Variants in RNPEPL1 observed in about 807,000 individuals in gnomAD.
RNPEPL1 encodes the protein arginyl aminopeptidase like 1, also known as aminopeptidase RNPEPL1.
Under a neutral mutation model 69.0 loss-of-function variants are expected in RNPEPL1, and 46 were observed. That is an observed-to-expected ratio of 0.67 (90% CI 0.53 to 0.85). RNPEPL1 has a LOEUF of 0.85. Ranked by LOEUF, RNPEPL1 falls within the 40% of genes least tolerant of loss-of-function variation. RNPEPL1 has a pLI of 0.00. For synonymous variants in RNPEPL1, 525 were observed against 454.1 expected (o/e 1.16, Z -1.98); for missense variants, 869 against 992.5 (o/e 0.88, Z 1.67).
chr2:240,569,648 T>C (rs867333463), intron 1 of RNPEPL1, among the ~76,000 whole-genome samples: 29 of 152,290 alleles, frequency 1.9e-4, no homozygotes, highest in African/African-American at 6.3e-4. Flanking sequence ...CTCCAGAGAC[T>C]CTGCAAGAAA....
chr2:240,574,647 C>A lies in RNPEPL1; in HGVS notation c.1288+19C>A. On this transcript the variant is annotated intron_variant, in intron 6 of 10. Coordinates refer to ENST00000270357, the MANE Select transcript of RNPEPL1 (RefSeq NM_018226.6). ...GAGCCAGGTACCTGCTCCTCAGGAC[C>A]CGCTCCCACAACTGGGGATGTCACC... 6.3e-7 allele frequency: 1 copy of A among 1,590,798 alleles called. No homozygotes were observed. The highest frequency in any genetic ancestry group is 8.6e-7 in the Non-Finnish European group (1 of 1,162,468).
rs895864800 is a variant in RNPEPL1 at position 240,581,067 on chromosome 2, T to G, written c.*3175T>G. 6.6e-6 allele frequency: 1 copy of G among 151,904 alleles called. No individual in the cohort carries two copies. The highest frequency in any genetic ancestry group is 6.6e-5 in the Admixed American group (1 of 15,250). The allele number at this position is 151,904 out of a possible 1,614,324, so 9.4% of individuals were successfully genotyped here. A position where few individuals can be genotyped will look rare whatever the true frequency, so the allele number is the denominator to read the frequency against. The stretch of plus-strand genomic sequence containing the variant: ...AGGCCAGATGCTTTGCACAGAACAT[T>G]AGGAAACTCCAGATGTAAAGGTAAG... On this transcript the variant is annotated 3_prime_UTR_variant, in exon 11 of 11. Coordinates refer to ENST00000270357, the MANE Select transcript of RNPEPL1 (RefSeq NM_018226.6).
intron 2 of RNPEPL1, 127 bp downstream of exon 2, chr2:240,572,690 G>A: frequency 8.1e-7 from 1 of 1,227,274 alleles, no homozygotes; most frequent in Non-Finnish European, 1.1e-6. Context: ...AGTGCTAGCA[G>A]GAGCCCACCC....
intron 1 of RNPEPL1, among the ~76,000 whole-genome samples, chr2:240,570,271 G>C (rs1279178129): frequency 6.6e-6 from 1 of 152,240 alleles, no homozygotes; most frequent in African/African-American, 2.4e-5. Context: ...GGCCCAGTGA[G>C]CAAGGGTGGC....
At chr2:240,577,030 A>G in intron 10 of RNPEPL1, 40 bp downstream of exon 10, 1 of 1,608,954 alleles carries the variant, frequency 6.2e-7, no homozygotes, top group Non-Finnish European at 8.5e-7. Flanking sequence ...GGAACGGCCT[A>G]GCCGTGCGGA....
intron 3 of RNPEPL1, 144 bp from the exon 4 acceptor site, chr2:240,573,631 G>C (rs1176629382): frequency 1.6e-5 from 11 of 699,582 alleles, no homozygotes; most frequent in Non-Finnish European, 2.3e-5. Context: ...CATCCAGTGA[G>C]GCAGGGCGGG....
At chr2:240,569,240 G>T in intron 1 of RNPEPL1, 126 bp downstream of exon 1, 1 of 1,069,538 alleles carries the variant, frequency 9.3e-7, no homozygotes, top group Non-Finnish European at 1.2e-6. Flanking sequence ...CCCCCACCCC[G>T]GTGATTCCCA....
At chr2:240,571,530 C>T (rs2093021455) in intron 1 of RNPEPL1, among the ~76,000 whole-genome samples, 1 of 152,020 alleles carries the variant, frequency 6.6e-6, no homozygotes, top group Admixed American at 6.5e-5. Flanking sequence ...CTCTGAGCTG[C>T]CCTCACTGGA....
chr2:240,571,535 A>G (rs1395987535), intron 1 of RNPEPL1, among the ~76,000 whole-genome samples: 1 of 151,960 alleles, frequency 6.6e-6, no homozygotes, highest in African/African-American at 2.4e-5. Flanking sequence ...AGCTGCCCTC[A>G]CTGGAGAGGT....
chr2:240,575,152 C>T lies in RNPEPL1; in HGVS notation c.1401+10C>T, dbSNP rs2093034036. 2 of 1,607,298 alleles carry T rather than the reference C, an allele frequency of 1.2e-6. No homozygotes were observed. The highest frequency in any genetic ancestry group is 1.7e-6 in the Non-Finnish European group (2 of 1,174,602). On this transcript the variant is annotated intron_variant, in intron 7 of 10. Coordinates refer to ENST00000270357, the MANE Select transcript of RNPEPL1 (RefSeq NM_018226.6). ...TGATGACTTTCTCCGAGTGAGCAGC[C>T]CCCTGCCCGGGACGGCCCTGCTGCC...
chr2:240,568,971 G>T lies in RNPEPL1; in HGVS notation c.385G>T (p.Glu129Ter). 1 of 1,458,626 alleles carries T rather than the reference G, an allele frequency of 6.9e-7. No individual in the cohort carries two copies. Among genetic ancestry groups the T allele is most frequent in the African/African-American group, 1.5e-5 (1 of 68,018 alleles). The allele number at this position is 1,458,626 out of a possible 1,614,324, so 90.4% of individuals were successfully genotyped here. The change falls in exon 1 of 11, where the codon GAG (glutamate) becomes TAG (stop). Residue 129 changes from glutamate (E) to a stop codon, truncating the protein, a stop_gained. Coordinates refer to ENST00000270357, the MANE Select transcript of RNPEPL1 (RefSeq NM_018226.6). LOFTEE classifies it high-confidence loss of function. This position sits in a 1 kb window ranked among gnomAD's most constrained non-coding sequence, Gnocchi z 6.2. ...LPAFPEAPGS[E>*]PACCPLAFRV... ...CGCCTTCCCCGAGGCGCCCGGCTCC[G>T]AGCCCGCCTGCTGTCCGCTGGCCTT...
intron 1 of RNPEPL1, among the ~76,000 whole-genome samples, chr2:240,571,350 C>T (rs1346067540): frequency 6.6e-6 from 1 of 152,162 alleles, no homozygotes; most frequent in African/African-American, 2.4e-5. Flanking sequence ...GTCTTAGAAG[C>T]ATGTTGGGGG....
chr2:240,573,413 C>CAGGGCCCTGCCT, intron 3 of RNPEPL1, 152 bp downstream of exon 3: 2 of 750,098 alleles, frequency 2.7e-6, no homozygotes, highest in Non-Finnish European at 4.2e-6. Flanking sequence ...TTGGTGCCAC[C>CAGGGCCCTGCCT]GCCAGGGCCC....
chr2:240,572,765 C>A (rs1212505989), intron 2 of RNPEPL1, among the ~76,000 whole-genome samples: 1 of 152,230 alleles, frequency 6.6e-6, no homozygotes, highest in Admixed American at 6.5e-5. Flanking sequence ...TCCAACGGGC[C>A]TGAGGGGTCG....
chr2:240,573,958 G>T (rs1371793914), intron 4 of RNPEPL1, 67 bp downstream of exon 4: 1 of 1,455,018 alleles, frequency 6.9e-7, no homozygotes. Flanking sequence ...CCCCTCGTCT[G>T]ACCCCTGGGG....
intron 1 of RNPEPL1, among the ~76,000 whole-genome samples, chr2:240,571,441 G>A (rs1026891757): frequency 6.6e-6 from 1 of 152,206 alleles, no homozygotes; most frequent in African/African-American, 2.4e-5. Context: ...CCGGCAGAGG[G>A]GAGGGTGGAT....
intron 10 of RNPEPL1, 90 bp downstream of exon 10, chr2:240,577,080 G>A (rs776565117): frequency 3.6e-5 from 54 of 1,512,248 alleles, no homozygotes; most frequent in Non-Finnish European, 4.7e-5. Context: ...AGCCCTTGGG[G>A]CAGGCCAGGC....
rs2093042969 is a variant in RNPEPL1, at chr2:240,578,062, TC to T, written c.*171del. 1.7e-6 allele frequency: 1 copy of T among 603,744 alleles called. No individual in the cohort carries two copies. The highest frequency in any genetic ancestry group is 3.5e-5 in the Admixed American group (1 of 28,656). The allele number at this position is 603,744 out of a possible 1,614,324, so 37.4% of individuals were successfully genotyped here. On this transcript the variant is annotated 3_prime_UTR_variant, in exon 11 of 11. Coordinates refer to ENST00000270357, the MANE Select transcript of RNPEPL1 (RefSeq NM_018226.6). Reference sequence around the variant, plus strand: ...GAATGGGGAGAGGGACCTCCTTGTGTCTGGCAGAGACCTGTGGACCTGGCCT... The same window carrying T: ...GAATGGGGAGAGGGACCTCCTTGTGTTGGCAGAGACCTGTGGACCTGGCCT...
chr2:240,569,606 C>T (rs965252117), intron 1 of RNPEPL1, among the ~76,000 whole-genome samples: 3 of 152,198 alleles, frequency 2.0e-5, no homozygotes, highest in Non-Finnish European at 2.9e-5. Context: ...CACACATAGG[C>T]TCTGCAGGGC....
Sources: allele counts gnomAD v4.1 joint callset (sites outside exome capture counted in the v4.1 genomes callset), GRCh38; gene constraint gnomAD v4.1.1; non-coding constraint Gnocchi (gnomAD v3.1); transcripts MANE v1.5; gene names NCBI Gene and HGNC (gene_info 2026-07-23, HGNC 2026-07-21).